Variants in COL26A1 observed in about 807,000 individuals in gnomAD.
The protein encoded by COL26A1 is collagen alpha-1(XXVI) chain.
In COL26A1, 41 loss-of-function variants were observed where a neutral mutation model predicts 59.3. That is an observed-to-expected ratio of 0.69 (90% CI 0.54 to 0.90). The LOEUF (loss-of-function observed/expected upper bound fraction) is 0.90. Among genes scored for constraint, COL26A1 ranks in the 40% least tolerant of loss-of-function variants. COL26A1 has a pLI of 0.00. For missense variants in COL26A1, 612 were observed against 602.3 expected, an observed-to-expected ratio of 1.02 and a Z score of -0.17; for synonymous variants, 266 against 256.0, an observed-to-expected ratio of 1.04 and a Z score of -0.37.
intron 3 of COL26A1, among the ~76,000 whole-genome samples, chr7:101,486,914 C>G (rs1466700224): frequency 6.6e-6 from 1 of 152,230 alleles, no homozygotes; most frequent in African/African-American, 2.4e-5. Flanking sequence ...GAGGCCGTGG[C>G]CCTGTGTTTG....
intron 3 of COL26A1, among the ~76,000 whole-genome samples, chr7:101,504,057 C>T (rs1319156379): frequency 6.6e-6 from 1 of 152,174 alleles, no homozygotes; most frequent in Non-Finnish European, 1.5e-5. Context: ...TGTCCCCCAG[C>T]TCCCCAGTGT....
chr7:101,436,587 C>T (rs111877136), intron 2 of COL26A1, among the ~76,000 whole-genome samples: 201 of 152,188 alleles, frequency 1.3e-3, no homozygotes, highest in African/African-American at 4.5e-3. Flanking sequence ...AATGTCCCCC[C>T]GCACCCGAGG....
chr7:101,528,705 G>A (rs1006810841), intron 3 of COL26A1, among the ~76,000 whole-genome samples: 4 of 151,982 alleles, frequency 2.6e-5, no homozygotes, highest in African/African-American at 9.7e-5. Flanking sequence ...GCACCACCAT[G>A]CCTGGCTAAC....
chr7:101,482,312 T>A (rs1294753781), intron 3 of COL26A1, among the ~76,000 whole-genome samples: 1 of 152,176 alleles, frequency 6.6e-6, no homozygotes, highest in African/African-American at 2.4e-5. Flanking sequence ...CGCCTGGCCT[T>A]CTTTTTCCTT....
At chr7:101,463,675 C>T (rs1344250663) in intron 3 of COL26A1, among the ~76,000 whole-genome samples, 3 of 112,278 alleles carry the variant, frequency 2.7e-5, no homozygotes, top group African/African-American at 7.1e-5. Flanking sequence ...TCCTTCCTCC[C>T]TCCCGTCCCC....
intron 1 of COL26A1, among the ~76,000 whole-genome samples, chr7:101,380,060 C>T (rs1304132713): frequency 3.3e-5 from 5 of 151,688 alleles, no homozygotes; most frequent in South Asian, 2.1e-4. Flanking sequence ...GGTGCGATCT[C>T]GGCTCACTGC....
At chr7:101,393,436 T>C (rs1481321800) in intron 1 of COL26A1, among the ~76,000 whole-genome samples, 1 of 152,158 alleles carries the variant, frequency 6.6e-6, no homozygotes, top group African/African-American at 2.4e-5. Context: ...TAGGCCAGTC[T>C]AGCCTTTTCA....
intron 3 of COL26A1, among the ~76,000 whole-genome samples, chr7:101,513,792 T>C (rs930369357): frequency 1.1e-4 from 16 of 152,178 alleles, no homozygotes; most frequent in Admixed American, 2.0e-4. Context: ...CAAAAGGCAG[T>C]GTTACCACAG....
rs1055385672 is a variant in COL26A1 at position 101,434,657 on chromosome 7, T to G, written c.282-13027T>G. On this transcript the variant is annotated intron_variant, in intron 2 of 12. Transcript: ENST00000313669. ...GGCGGCACTCAAAACTAACGCTCACTAGTGAGCATGGGGACAGGGTGCGAG... is the reference window on the plus strand; with the variant it reads ...GGCGGCACTCAAAACTAACGCTCACGAGTGAGCATGGGGACAGGGTGCGAG... Among the ~76,000 whole-genome samples, 5 of 151,974 alleles carry G rather than the reference T, an allele frequency of 3.3e-5. No homozygotes were observed. In the East Asian group the frequency reaches 9.6e-4, roughly 29 times the overall value.
chr7:101,447,662 C>G (rs372718678), intron 2 of COL26A1, 22 bp from the exon 3 acceptor site: 12 of 1,506,196 alleles, frequency 8.0e-6, no homozygotes, highest in Non-Finnish European at 1.1e-5. Context: ...CTCATGCCCC[C>G]CTGACGCTGT....
chr7:101,421,870 C>T lies in COL26A1; in HGVS notation c.281+1771C>T, dbSNP rs186522048. 1.7e-3 allele frequency among the ~76,000 whole-genome samples: 260 copies of T among 152,228 alleles called. 8 individuals carry two copies. The highest frequency in any genetic ancestry group is 0.017 in the Admixed American group (257 of 15,286). The stretch of plus-strand genomic sequence containing the variant: ...CAACAGTTAATGCTATGGTGTTTGC[C>T]AAATGGTGATTTCCTATTTTCATTC... On this transcript the variant is annotated intron_variant, in intron 2 of 12. Transcript: ENST00000313669.
rs573986476 is a variant in COL26A1 at position 101,532,992 on chromosome 7, C to T, written c.386-90C>T. On this transcript the variant is annotated intron_variant, in intron 3 of 12. Coordinates refer to ENST00000313669, the MANE Select transcript of COL26A1 (RefSeq NM_001278563.3). The stretch of plus-strand genomic sequence containing the variant: ...AAATGACTGGAGATTTCTCTGCTTG[C>T]CTGCCTGCCCAGAGGCTATCCTGGT... 34 of 947,546 alleles carry T rather than the reference C, an allele frequency of 3.6e-5. No individual in the cohort carries two copies. In the South Asian group the frequency reaches 4.7e-4, roughly 13 times the overall value. 58.7% of individuals were successfully genotyped at this position (947,546 alleles called of 1,614,324 possible). A position where few individuals can be genotyped will look rare whatever the true frequency, so the allele number is the denominator to read the frequency against.
chr7:101,371,589 C>T (rs747199917), intron 1 of COL26A1, among the ~76,000 whole-genome samples: 1 of 98,956 alleles, frequency 1.0e-5, no homozygotes, highest in Non-Finnish European at 1.9e-5. Flanking sequence ...AGTTTGAGAC[C>T]AGCCCGGGAA....
intron 1 of COL26A1, among the ~76,000 whole-genome samples, chr7:101,385,206 CTA>C (rs1270669226): frequency 9.9e-5 from 5 of 50,396 alleles, no homozygotes; most frequent in East Asian, 3.4e-4. Flanking sequence ...CAATTTGACA[CTA>C]TATATACACA....
Position 101,545,507 on chromosome 7 carries a change from G to A in COL26A1, c.856+17G>A, listed in dbSNP as rs757742947. 80 of 1,589,672 alleles carry A rather than the reference G, an allele frequency of 5.0e-5. No individual in the cohort carries two copies. Among genetic ancestry groups the A allele is most frequent in the African/African-American group, 9.6e-5 (7 of 72,778 alleles). Reference sequence around the variant, plus strand: ...ACAAAGACAGTGAGTAATGCCCCTGGGGGGCCAAGGGAGGGCTGAGCTACG... The same window carrying A: ...ACAAAGACAGTGAGTAATGCCCCTGAGGGGCCAAGGGAGGGCTGAGCTACG... On this transcript the variant is annotated intron_variant, in intron 7 of 12. Transcript: ENST00000313669.
intron 2 of COL26A1, among the ~76,000 whole-genome samples, chr7:101,430,164 T>C (rs1287260587): frequency 6.6e-6 from 1 of 152,218 alleles, no homozygotes; most frequent in Non-Finnish European, 1.5e-5. Flanking sequence ...GTTTTGGGCA[T>C]ACAAATCTTA....
At chr7:101,556,602 G>T (rs1394538816) in intron 12 of COL26A1, among the ~76,000 whole-genome samples, 1 of 152,118 alleles carries the variant, frequency 6.6e-6, no homozygotes, top group Non-Finnish European at 1.5e-5. Context: ...TGGATAAATG[G>T]ATGGATGGAT....
chr7:101,419,129 C>T (rs1177353327), intron 1 of COL26A1, among the ~76,000 whole-genome samples: 1 of 136,540 alleles, frequency 7.3e-6, no homozygotes, highest in African/African-American at 2.7e-5. Flanking sequence ...CCTTCCTCTC[C>T]TCCTCTCTTC....
intron 3 of COL26A1, among the ~76,000 whole-genome samples, chr7:101,518,930 G>A (rs1795085666): frequency 6.6e-6 from 1 of 152,102 alleles, no homozygotes; most frequent in Admixed American, 6.5e-5. Context: ...CCCCAACGGA[G>A]GGCCAAGAAG....
Sources: gnomAD v4.1 joint callset for allele counts (sites outside exome capture counted in the v4.1 genomes callset) on GRCh38, gnomAD v4.1.1 for gene constraint, MANE v1.5 for transcripts, NCBI Gene and HGNC (gene_info 2026-07-23, HGNC 2026-07-21) for gene names.